The following PLCH1 variants were observed in gnomAD, a reference collection of about 807,000 sequenced individuals.
The protein encoded by PLCH1 is 1-phosphatidylinositol 4,5-bisphosphate phosphodiesterase eta-1.
Under a neutral mutation model 126.7 loss-of-function variants are expected in PLCH1, and 60 were observed. That is an observed-to-expected ratio of 0.47 (90% confidence interval 0.38 to 0.59). The LOEUF is 0.59. Among genes scored for constraint, PLCH1 ranks in the 20% least tolerant of loss-of-function variants. The pLI is 0.00. For synonymous variants in PLCH1, 719 were observed against 734.9 expected (o/e 0.98, Z 0.35); for missense variants, 1,723 against 2,040.0 (o/e 0.84, Z 2.99).
chr3:155,594,505 G>A (rs556517735), intron 3 of PLCH1, among the ~76,000 whole-genome samples: 2 of 152,188 alleles, frequency 1.3e-5, no homozygotes, highest in East Asian at 1.9e-4. Flanking sequence ...CCTGGGAGGC[G>A]GAGGTTGCAG....
intron 2 of PLCH1, among the ~76,000 whole-genome samples, chr3:155,653,221 G>A (rs754361135): frequency 1.3e-5 from 2 of 152,050 alleles, no homozygotes; most frequent in Non-Finnish European, 2.9e-5. Flanking sequence ...GTCTCACTGT[G>A]TTGCCCAGGC....
At chr3:155,495,012 G>A (rs989657174) in intron 15 of PLCH1, among the ~76,000 whole-genome samples, 2 of 151,934 alleles carry the variant, frequency 1.3e-5, no homozygotes, top group African/African-American at 4.8e-5. Context: ...GAAAATAAAG[G>A]AAAATGAACA....
chr3:155,733,824 G>A (rs1428728357), intron 1 of PLCH1, among the ~76,000 whole-genome samples: 2 of 150,794 alleles, frequency 1.3e-5, no homozygotes, highest in Non-Finnish European at 3.0e-5. Context: ...AAATACAAAA[G>A]GAACTCAAAG....
chr3:155,730,795 G>A (rs1224564151), intron 1 of PLCH1, among the ~76,000 whole-genome samples: 3 of 152,222 alleles, frequency 2.0e-5, no homozygotes, highest in Non-Finnish European at 2.9e-5. Context: ...AGGAAGGACA[G>A]TTTTACATTA....
At chr3:155,677,971 G>T (rs1216604506) in intron 2 of PLCH1, among the ~76,000 whole-genome samples, 1 of 152,094 alleles carries the variant, frequency 6.6e-6, no homozygotes, top group African/African-American at 2.4e-5. Context: ...TCCTTTGTCT[G>T]CCCAGAACCA....
chr3:155,696,420 T>C (rs919975317), intron 2 of PLCH1, among the ~76,000 whole-genome samples: 2 of 152,196 alleles, frequency 1.3e-5, no homozygotes, highest in Non-Finnish European at 2.9e-5. Flanking sequence ...ATCTTTTGCA[T>C]AACTAAATTA....
chr3:155,465,282 T>A (rs1160478651), intron 21 of PLCH1, among the ~76,000 whole-genome samples: 1 of 151,954 alleles, frequency 6.6e-6, no homozygotes, highest in Non-Finnish European at 1.5e-5. Flanking sequence ...GTCTTACATC[T>A]AGGATACAAG....
chr3:155,464,672 G>T (rs1576763115), intron 21 of PLCH1, among the ~76,000 whole-genome samples: 2 of 152,020 alleles, frequency 1.3e-5, no homozygotes, highest in African/African-American at 4.8e-5. Context: ...CATCCCTCCT[G>T]ATAAGTGAAA....
chr3:155,513,899 G>T (rs1013818108), intron 12 of PLCH1, among the ~76,000 whole-genome samples: 6 of 152,184 alleles, frequency 3.9e-5, no homozygotes, highest in African/African-American at 1.4e-4. Context: ...GTAGGCACAT[G>T]AACTAGGTTA....
At chr3:155,680,428 A>G (rs1744420938) in intron 2 of PLCH1, among the ~76,000 whole-genome samples, 1 of 152,130 alleles carries the variant, frequency 6.6e-6, no homozygotes, top group Non-Finnish European at 1.5e-5. Context: ...AACTTAAAGC[A>G]TATTCACAGT....
At position 155,676,650 on chromosome 3, in the gene PLCH1, T is replaced by C. The variant is rs534994948; in HGVS notation, c.79+27496A>G. On this transcript the variant is annotated intron_variant, in intron 2 of 22. Coordinates refer to ENST00000460012, the MANE Select transcript of PLCH1 (RefSeq NM_014996.4). Reference sequence around the variant, plus strand: ...TAAGAAATAAGCTACGACTGCCCTATAGGCTACTTTTGTGCAAGTCAGGTT... The same window carrying C: ...TAAGAAATAAGCTACGACTGCCCTACAGGCTACTTTTGTGCAAGTCAGGTT... Among the ~76,000 whole-genome samples the C allele has an allele frequency of 1.2e-4, 18 of 152,294 alleles. No homozygotes were observed. The East Asian group carries it at 3.5e-3, about 29-fold the overall frequency.
chr3:155,584,648 C>T lies in PLCH1; in HGVS notation c.601-1006G>A, dbSNP rs575825134. Reference sequence around the variant, plus strand: ...TAAACAAAAACAGACAGGGAATGAACGGCATTTTGAAATGCATAGAATTTG... The same window carrying T: ...TAAACAAAAACAGACAGGGAATGAATGGCATTTTGAAATGCATAGAATTTG... On this transcript the variant is annotated intron_variant, in intron 5 of 22. Coordinates refer to ENST00000460012, the MANE Select transcript of PLCH1 (RefSeq NM_014996.4). Among the ~76,000 whole-genome samples the T allele has an allele frequency of 1.2e-4, 18 of 152,262 alleles. No homozygotes were observed. The South Asian group carries it at 1.2e-3, about 11-fold the overall frequency.
Position 155,593,960 on chromosome 3 carries a change from T to G in PLCH1, c.451A>C (p.Arg151=), listed in dbSNP as rs562953842. The change falls in exon 4 of 23, where the codon AGG becomes CGG. Residue 151 remains arginine, a synonymous_variant. Coordinates refer to ENST00000460012, the MANE Select transcript of PLCH1 (RefSeq NM_014996.4). ...GGATATTGGTCATGGGTCCTCTGCC[T>G]TTTGGCAAGGGAGTCTTCATCACTG... ...GISDEDSLAK[R]QRTHDQWVKQ... The G allele has an allele frequency of 3.7e-6, 6 of 1,614,024 alleles. No homozygotes were observed. The South Asian group carries it at 6.6e-5, about 18-fold the overall frequency.
intron 6 of PLCH1, among the ~76,000 whole-genome samples, chr3:155,582,950 G>C (rs903457037): frequency 2.0e-5 from 3 of 151,692 alleles, no homozygotes; most frequent in African/African-American, 7.3e-5. Flanking sequence ...AATTTACTTA[G>C]CCTTTTCACA....
chr3:155,599,738 T>C (rs987815556), intron 2 of PLCH1, among the ~76,000 whole-genome samples: 6 of 151,584 alleles, frequency 4.0e-5, no homozygotes, highest in African/African-American at 1.2e-4. Context: ...TACGCCAGAG[T>C]GGAAAACTGA....
At chr3:155,471,034 C>T (rs905211528) in intron 21 of PLCH1, among the ~76,000 whole-genome samples, 15 of 150,712 alleles carry the variant, frequency 1.0e-4, no homozygotes, top group Non-Finnish European at 1.8e-4. Context: ...AGCAAAATAA[C>T]CAGCTAACAT....
At position 155,566,210 on chromosome 3, in the gene PLCH1, CATATATACGT is replaced by C. The variant is rs1728422431; in HGVS notation, c.866-1102_866-1093del. Among the ~76,000 whole-genome samples, 5 of 43,054 alleles carry C rather than the reference CATATATACGT, an allele frequency of 1.2e-4. 2 individuals carry two copies. Among genetic ancestry groups the C allele is most frequent in the Admixed American group, 5.3e-4 (2 of 3,800 alleles). 28.2% of individuals were successfully genotyped at this position (43,054 alleles called of 152,430 possible). A position where few individuals can be genotyped will look rare whatever the true frequency, so the allele number is the denominator to read the frequency against. On this transcript the variant is annotated intron_variant, in intron 7 of 22. Transcript: ENST00000460012. ...ATATATATACACATACATATATACA[CATATATACGT>C]ATATATACACATATATATACATATA... is the stretch of plus-strand genomic sequence containing the variant.
At chr3:155,680,886 C>G (rs543896321) in intron 2 of PLCH1, among the ~76,000 whole-genome samples, 3 of 152,154 alleles carry the variant, frequency 2.0e-5, no homozygotes, top group African/African-American at 7.2e-5. Flanking sequence ...TAACCATTAA[C>G]GATGTCTGTA....
At chr3:155,730,277 G>A (rs1468914181) in intron 1 of PLCH1, among the ~76,000 whole-genome samples, 2 of 147,598 alleles carry the variant, frequency 1.4e-5, no homozygotes, top group South Asian at 4.4e-4. Flanking sequence ...CATCAAAAAT[G>A]ATTAGTTTTT....
Sources: allele counts gnomAD v4.1 joint callset (sites outside exome capture counted in the v4.1 genomes callset), GRCh38; gene constraint gnomAD v4.1.1; transcripts MANE v1.5; gene names NCBI Gene and HGNC (gene_info 2026-07-23, HGNC 2026-07-21).